The following MAU2 variants were observed in gnomAD, a reference collection of about 807,000 sequenced individuals.
MAU2 encodes the protein MAU2 chromatid cohesion factor homolog.
Under a neutral mutation model 89.1 loss-of-function variants are expected in MAU2, and 9 were observed. The ratio of observed to expected loss-of-function variants is 0.10; its 90% CI spans 0.06 to 0.18. The LOEUF (loss-of-function observed/expected upper bound fraction) is 0.18. Among genes scored for constraint, MAU2 ranks in the 10% least tolerant of loss-of-function variants. MAU2 has a pLI of 1.00. For synonymous variants in MAU2, 357 were observed against 343.4 expected (o/e 1.04, Z -0.44); for missense variants, 425 against 803.5 (o/e 0.53, Z 5.69).
At chr19:19,337,357 G>A (rs1451498040) in intron 4 of MAU2, 92 bp downstream of exon 4, 13 of 997,134 alleles carry the variant, frequency 1.3e-5, no homozygotes, top group Admixed American at 7.8e-5. Flanking sequence ...CAGAGTCCAC[G>A]ATGCGCAGAC....
intron 12 of MAU2, among the ~76,000 whole-genome samples, chr19:19,346,478 C>T (rs2061693944): frequency 6.6e-6 from 1 of 152,146 alleles, no homozygotes; most frequent in African/African-American, 2.4e-5. Context: ...AACCCCAACA[C>T]CCCTAACCCC....
intron 4 of MAU2, 140 bp downstream of exon 4, chr19:19,337,405 GAA>G (rs2061606352): frequency 1.5e-6 from 1 of 657,886 alleles, no homozygotes. Context: ...GGGGACATGG[GAA>G]CATTTCCTTA....
rs531714617 is a variant in MAU2, at chr19:19,352,418, G to A, written c.1549-1937G>A. Reference sequence around the variant, plus strand: ...GTGGTAAGCCTTTGCAGAGGCCAGCGAATGGGCCCTGCAGCTCAGGCCCTG... The same window carrying A: ...GTGGTAAGCCTTTGCAGAGGCCAGCAAATGGGCCCTGCAGCTCAGGCCCTG... On this transcript the variant is annotated intron_variant, in intron 16 of 18. Transcript: ENST00000262815. The A allele has an allele frequency of 5.3e-5, 8 of 152,338 alleles. No homozygotes were observed. The East Asian group carries it at 9.7e-4, about 18-fold the overall frequency. The allele number at this position is 152,338 out of a possible 1,614,324, so 9.4% of individuals were successfully genotyped here.
chr19:19,341,248 C>T lies in MAU2; in HGVS notation c.580-4C>T, dbSNP rs778084884. On this transcript the variant is annotated splice_polypyrimidine_tract_variant and splice_region_variant and intron_variant, in intron 6 of 18. Coordinates refer to ENST00000262815, the MANE Select transcript of MAU2 (RefSeq NM_015329.4). ...ACCCTACACCTGCGCCTCTCCCTCC[C>T]CAGCTGCTGCTGATGGAGCGAAAGC... is the stretch of plus-strand genomic sequence containing the variant. 9.9e-6 allele frequency: 16 copies of T among 1,610,128 alleles called. No homozygotes were observed. The highest frequency in any genetic ancestry group is 2.5e-6 in the Non-Finnish European group (3 of 1,179,790).
chr19:19,355,986 G>A lies in MAU2; in HGVS notation c.*204G>A. 1.5e-6 allele frequency: 1 copy of A among 684,624 alleles called. No individual in the cohort carries two copies. The highest frequency in any genetic ancestry group is 2.7e-6 in the Non-Finnish European group (1 of 374,390). 42.4% of individuals were successfully genotyped at this position (684,624 alleles called of 1,614,324 possible). A position where few individuals can be genotyped will look rare whatever the true frequency, so the allele number is the denominator to read the frequency against. On this transcript the variant is annotated 3_prime_UTR_variant, in exon 19 of 19. Transcript: ENST00000262815. ...TCGCAGCAGGACCCCCAGTGCAGAGGCTCACAGGTGGCACACAGGCGCTGT... is the reference window on the plus strand; with the variant it reads ...TCGCAGCAGGACCCCCAGTGCAGAGACTCACAGGTGGCACACAGGCGCTGT...
chr19:19,326,435 C>T (rs895557994), intron 1 of MAU2, among the ~76,000 whole-genome samples: 1 of 151,544 alleles, frequency 6.6e-6, no homozygotes, highest in Admixed American at 6.6e-5. Flanking sequence ...GCCTGTAATC[C>T]CAGCACTTTG....
Position 19,320,884 on chromosome 19 carries a change from G to T in MAU2, c.25G>T (p.Ala9Ser). The T allele has an allele frequency of 6.7e-7, 1 of 1,481,600 alleles. No individual in the cohort carries two copies. The highest frequency in any genetic ancestry group is 1.4e-5 in the African/African-American group (1 of 70,006). 91.8% of individuals were successfully genotyped at this position (1,481,600 alleles called of 1,614,324 possible). A position where few individuals can be genotyped will look rare whatever the true frequency, so the allele number is the denominator to read the frequency against. Residue 9 changes from alanine (A) to serine (S), a missense_variant, in exon 1 of 19, where the codon GCC (alanine) becomes TCC (serine). Coordinates refer to ENST00000262815, the MANE Select transcript of MAU2 (RefSeq NM_015329.4). MAAQAAAA[A>S]QAAAAQAAQA... ...AATGGCGGCTCAGGCGGCGGCAGCGGCCCAGGCGGCGGCGGCCCAGGCTGC... is the reference window on the plus strand; with the variant it reads ...AATGGCGGCTCAGGCGGCGGCAGCGTCCCAGGCGGCGGCGGCCCAGGCTGC...
Position 19,329,983 on chromosome 19 carries a change from A to T in MAU2, c.277-5735A>T, listed in dbSNP as rs141264745. On this transcript the variant is annotated intron_variant, in intron 1 of 18. Transcript: ENST00000262815. ...TATTTATTTATTTATTTATTTATTT[A>T]TTTTTTATTTTTTTGAGATAAAGTC... 5.0e-4 allele frequency among the ~76,000 whole-genome samples: 75 copies of T among 150,264 alleles called. No homozygotes were observed. The East Asian group carries it at 0.01, about 21-fold the overall frequency.
rs753675252 is a variant in MAU2, at chr19:19,341,308, G to C, written c.636G>C (p.Gly212=). 1 of 1,613,322 alleles carries C rather than the reference G, an allele frequency of 6.2e-7. No homozygotes were observed. The highest frequency in any genetic ancestry group is 2.2e-5 in the East Asian group (1 of 44,886). ...QEVHPLLTLC[G]QIVENWQGNP... ...TGCACCCGCTGCTGACCCTCTGCGG[G>C]CAGATCGTGGAGAACTGGCAGGGGA... The change falls in exon 7 of 19, where the codon GGG becomes GGC. Residue 212 remains glycine, a synonymous_variant. Transcript: ENST00000262815.
intron 16 of MAU2, chr19:19,354,058 G>A (rs1235419712): frequency 6.6e-6 from 3 of 454,632 alleles, no homozygotes; most frequent in Non-Finnish European, 1.2e-5. Flanking sequence ...AGGGCTAACG[G>A]CCATCAGTGC....
intron 1 of MAU2, among the ~76,000 whole-genome samples, chr19:19,324,003 T>C (rs771987175): frequency 2.0e-5 from 3 of 152,344 alleles, no homozygotes; most frequent in African/African-American, 7.2e-5. Context: ...CAACAGATAC[T>C]TGTTCAGCTC....
intron 4 of MAU2, among the ~76,000 whole-genome samples, chr19:19,338,523 C>G (rs2146680047): frequency 6.6e-6 from 1 of 152,354 alleles, no homozygotes; most frequent in African/African-American, 2.4e-5. Flanking sequence ...ACAAAGCACT[C>G]AGAACAGCCT....
chr19:19,322,224 T>C (rs1380198540), intron 1 of MAU2, among the ~76,000 whole-genome samples: 2 of 152,138 alleles, frequency 1.3e-5, no homozygotes, highest in Non-Finnish European at 2.9e-5. Context: ...GGTCTCCATC[T>C]CCTGACCTCA....
chr19:19,352,578 A>G (rs1226789782), intron 16 of MAU2: 3 of 152,284 alleles, frequency 2.0e-5, no homozygotes, highest in South Asian at 4.1e-4. Context: ...GGACAGTGCA[A>G]GTGGCCTGGG....
Position 19,320,830 on chromosome 19 carries a change from T to C in MAU2, c.-30T>C. On this transcript the variant is annotated 5_prime_UTR_variant, in exon 1 of 19. Transcript: ENST00000262815. ...TCGCGCGCCTGCTTCCGCCTCCCTGTGGCGGCGGCTTGTTGTTGTGGAGGC... is the reference window on the plus strand; with the variant it reads ...TCGCGCGCCTGCTTCCGCCTCCCTGCGGCGGCGGCTTGTTGTTGTGGAGGC... 1 of 1,494,344 alleles carries C rather than the reference T, an allele frequency of 6.7e-7. No individual in the cohort carries two copies. Among genetic ancestry groups the C allele is most frequent in the South Asian group, 1.4e-5 (1 of 72,578 alleles). 92.6% of individuals were successfully genotyped at this position (1,494,344 alleles called of 1,614,324 possible).
chr19:19,337,866 C>T (rs915235204), intron 4 of MAU2, among the ~76,000 whole-genome samples: 2 of 152,328 alleles, frequency 1.3e-5, no homozygotes, highest in East Asian at 1.9e-4. Context: ...CCACAGTGCT[C>T]GGTTGTTGGG....
intron 9 of MAU2, among the ~76,000 whole-genome samples, chr19:19,343,298 C>T (rs983724625): frequency 6.6e-6 from 1 of 152,216 alleles, no homozygotes; most frequent in South Asian, 2.1e-4. Flanking sequence ...CCAGAGCAGA[C>T]GTCCCTGGCT....
intron 9 of MAU2, 40 bp downstream of exon 9, chr19:19,342,906 C>A (rs1385228128): frequency 6.2e-7 from 1 of 1,605,074 alleles, no homozygotes; most frequent in Non-Finnish European, 8.5e-7. Flanking sequence ...CCACAGCGAC[C>A]CCTGGCGGAC....
intron 17 of MAU2, 66 bp from the exon 18 acceptor site, chr19:19,355,198 A>T (rs1411344834): frequency 6.2e-7 from 1 of 1,602,568 alleles, no homozygotes; most frequent in African/African-American, 1.3e-5. Flanking sequence ...CTCCATCTGC[A>T]CCGAGTGGGA....
Sources: gnomAD v4.1 joint callset for allele counts (sites outside exome capture counted in the v4.1 genomes callset) on GRCh38, gnomAD v4.1.1 for gene constraint, MANE v1.5 for transcripts, NCBI Gene and HGNC (gene_info 2026-07-23, HGNC 2026-07-21) for gene names.